The following SH3GL3 variants were observed in gnomAD, a reference collection of about 807,000 sequenced individuals.
SH3GL3 encodes endophilin-A3.
In SH3GL3, 33 loss-of-function variants were observed where a neutral mutation model predicts 47.7. That is an observed-to-expected ratio of 0.69 (90% CI 0.52 to 0.92). The LOEUF (loss-of-function observed/expected upper bound fraction) is 0.92, where lower values mean the gene tolerates loss of function less well. SH3GL3 is among the 40% of genes least tolerant of loss of function. SH3GL3 has a pLI of 0.00. For missense variants in SH3GL3, 363 were observed against 417.8 expected, an observed-to-expected ratio of 0.87 and a Z score of 1.14; for synonymous variants, 155 against 148.8, an observed-to-expected ratio of 1.04 and a Z score of -0.30.
chr15:83,583,900 A>C (rs891425371), intron 6 of SH3GL3, among the ~76,000 whole-genome samples: 12 of 151,806 alleles, frequency 7.9e-5, no homozygotes, highest in African/African-American at 2.9e-4. Flanking sequence ...CCAGGCAACA[A>C]CTCCCATCAC....
At chr15:83,596,022 C>T (rs1386340635) in intron 8 of SH3GL3, among the ~76,000 whole-genome samples, 3 of 152,124 alleles carry the variant, frequency 2.0e-5, no homozygotes, top group East Asian at 3.9e-4. Context: ...ATCAATTTCC[C>T]CCTAAGTACC....
At chr15:83,450,585 G>A (rs185710652) in intron 1 of SH3GL3, among the ~76,000 whole-genome samples, 31 of 151,984 alleles carry the variant, frequency 2.0e-4, no homozygotes, top group African/African-American at 6.8e-4. Context: ...CATCATTTTG[G>A]CAGCACATGG....
chr15:83,616,816 T>TGAAG (rs1269393792), intron 8 of SH3GL3, among the ~76,000 whole-genome samples: 7 of 144,724 alleles, frequency 4.8e-5, no homozygotes, highest in African/African-American at 7.8e-5. Context: ...AAGAAAAGAA[T>TGAAG]GAAGGAAGGA....
At chr15:83,595,241 T>C (rs2060208267) in intron 8 of SH3GL3, among the ~76,000 whole-genome samples, 1 of 152,162 alleles carries the variant, frequency 6.6e-6, no homozygotes, top group Admixed American at 6.5e-5. Context: ...CTAAGTGAAC[T>C]AACTCAGGAA....
At chr15:83,564,322 A>G (rs2045432603) in intron 2 of SH3GL3, among the ~76,000 whole-genome samples, 1 of 152,234 alleles carries the variant, frequency 6.6e-6, no homozygotes, top group South Asian at 2.1e-4. Context: ...TCTTTACAAA[A>G]TTGAGTTTTC....
chr15:83,492,729 C>G (rs1596098519), intron 1 of SH3GL3, among the ~76,000 whole-genome samples: 2 of 152,320 alleles, frequency 1.3e-5, no homozygotes, highest in African/African-American at 4.8e-5. Context: ...CCTCTATCCC[C>G]CAGGGTTGGG....
intron 1 of SH3GL3, among the ~76,000 whole-genome samples, chr15:83,480,089 G>A (rs1178282100): frequency 6.6e-6 from 1 of 151,980 alleles, no homozygotes; most frequent in Non-Finnish European, 1.5e-5. Context: ...TTTTTTGGAT[G>A]GAAACTAATT....
chr15:83,519,892 C>T (rs925220370), intron 1 of SH3GL3, among the ~76,000 whole-genome samples: 3 of 152,258 alleles, frequency 2.0e-5, no homozygotes, highest in Non-Finnish European at 4.4e-5. Flanking sequence ...TTGTTTTTCA[C>T]ATTTAGTATT....
chr15:83,448,495 A>T lies in SH3GL3; in HGVS notation c.45+917A>T, dbSNP rs2039566345. 7.4e-6 allele frequency among the ~76,000 whole-genome samples: 1 copy of T among 134,328 alleles called. No homozygotes were observed. Among genetic ancestry groups the T allele is most frequent in the Non-Finnish European group, 1.6e-5 (1 of 63,642 alleles). 88.1% of individuals were successfully genotyped at this position (134,328 alleles called of 152,430 possible). A position where few individuals can be genotyped will look rare whatever the true frequency, so the allele number is the denominator to read the frequency against. On this transcript the variant is annotated intron_variant, in intron 1 of 8. Transcript: ENST00000427482. The surrounding 1 kb of genome is among the most constrained non-coding windows in gnomAD (Gnocchi z 4.2). ...GTGTGTGTGTGTTGATGACAAGCAA[A>T]TTTGTTTTTCAACATCAACATTGCA...
intron 1 of SH3GL3, among the ~76,000 whole-genome samples, chr15:83,459,808 A>G (rs1057046522): frequency 2.6e-5 from 4 of 152,142 alleles, no homozygotes; most frequent in African/African-American, 9.7e-5. Flanking sequence ...ACGTCTCACG[A>G]CATACAATTT....
At chr15:83,492,188 C>A (rs1285552377) in intron 1 of SH3GL3, among the ~76,000 whole-genome samples, 2 of 144,174 alleles carry the variant, frequency 1.4e-5, no homozygotes, top group Admixed American at 1.5e-4. Context: ...GAGGCTGAGG[C>A]AGGAGAATTG....
intron 1 of SH3GL3, among the ~76,000 whole-genome samples, chr15:83,481,407 G>A (rs2041351242): frequency 6.6e-6 from 1 of 152,208 alleles, no homozygotes; most frequent in South Asian, 2.1e-4. Flanking sequence ...ACGTTAGGTG[G>A]GCAATGGATT....
At chr15:83,620,725 T>G (rs2060913559), downstream of SH3GL3, among the ~76,000 whole-genome samples, 1 of 152,236 alleles carries the variant, frequency 6.6e-6, no homozygotes. Context: ...GAATGGTCAG[T>G]GCGCATTGGC....
chr15:83,555,016 C>G (rs55711466), intron 1 of SH3GL3, among the ~76,000 whole-genome samples: 5,833 of 152,120 alleles, frequency 0.038, 146 homozygotes, highest in Non-Finnish European at 0.06. Flanking sequence ...CTTGGAATCT[C>G]TCACTTATCC....
chr15:83,490,719 C>T, intron 1 of SH3GL3: 1 of 1,534,936 alleles, frequency 6.5e-7, no homozygotes, highest in Non-Finnish European at 8.8e-7. Context: ...AGGGCAATAT[C>T]ATCCTTTGGA....
At chr15:83,468,800 GTT>G (rs34233165) in intron 1 of SH3GL3, among the ~76,000 whole-genome samples, 69 of 128,982 alleles carry the variant, frequency 5.3e-4, no homozygotes, top group African/African-American at 1.5e-3. Flanking sequence ...CTTTAGTAGT[GTT>G]TTTTTTTTTT....
chr15:83,543,394 G>C (rs2044254552), intron 1 of SH3GL3, among the ~76,000 whole-genome samples: 1 of 151,808 alleles, frequency 6.6e-6, no homozygotes, highest in Non-Finnish European at 1.5e-5. Context: ...AGTTTGTTGG[G>C]GATTTTTGCA....
chr15:83,460,404 T>C (rs1444159765), intron 1 of SH3GL3, among the ~76,000 whole-genome samples: 7 of 152,094 alleles, frequency 4.6e-5, no homozygotes, highest in African/African-American at 1.4e-4. Flanking sequence ...ATGTGGTATA[T>C]ACTCATGACC....
intron 8 of SH3GL3, among the ~76,000 whole-genome samples, chr15:83,615,764 C>G (rs2060796097): frequency 6.6e-6 from 1 of 152,090 alleles, no homozygotes; most frequent in Non-Finnish European, 1.5e-5. Flanking sequence ...CTTGAAATCA[C>G]TGGAGAAAAT....
Sources: allele counts gnomAD v4.1 joint callset (sites outside exome capture counted in the v4.1 genomes callset), GRCh38; gene constraint gnomAD v4.1.1; non-coding constraint Gnocchi (gnomAD v3.1); transcripts MANE v1.5; gene names NCBI Gene and HGNC (gene_info 2026-07-23, HGNC 2026-07-21).